The following NEURL4 variants were observed in gnomAD, a reference collection of about 807,000 sequenced individuals.
NEURL4 encodes neuralized E3 ubiquitin protein ligase 4.
In NEURL4, 45 loss-of-function variants were observed where a neutral mutation model predicts 148.0. The observed-to-expected ratio is 0.30, with a 90% confidence interval of 0.24 to 0.39. The LOEUF is 0.39. Ranked by LOEUF, NEURL4 falls within the 10% of genes least tolerant of loss-of-function variation. The probability of loss-of-function intolerance (pLI) is 1.00; values close to 1 mark genes in which losing one functional copy is unlikely to be tolerated. For missense variants in NEURL4, 1,776 were observed against 2,144.0 expected (o/e 0.83, Z 3.39); for synonymous variants, 854 against 869.0 (o/e 0.98, Z 0.30).
Position 7,318,692 on chromosome 17 carries a change from C to T in NEURL4, c.3685-18G>A. On this transcript the variant is annotated intron_variant, in intron 22 of 28. Transcript: ENST00000399464. The surrounding 1 kb of genome is among the most constrained non-coding windows in gnomAD (Gnocchi z 4.3). Reference sequence around the variant, plus strand: ...TCGCAGATCTGGGAGGAGAGACCGGCTGTCTTCCAGAGGTCAGACTCCACC... The same window carrying T: ...TCGCAGATCTGGGAGGAGAGACCGGTTGTCTTCCAGAGGTCAGACTCCACC... The T allele has an allele frequency of 6.3e-7, 1 of 1,592,604 alleles. No individual in the cohort carries two copies. The highest frequency in any genetic ancestry group is 1.1e-5 in the South Asian group (1 of 88,586).
chr17:7,328,548 C>A (rs889700820), intron 1 of NEURL4, among the ~76,000 whole-genome samples: 1 of 152,168 alleles, frequency 6.6e-6, no homozygotes, highest in South Asian at 2.1e-4. Flanking sequence ...GGATTACAGG[C>A]GCACGCCACC....
Position 7,316,161 on chromosome 17 carries a change from C to G in NEURL4, c.4651G>C (p.Ala1551Pro). ...ACCAGCAGGGCACAGAGGAGTGTGGCCCCCTTCTCCTTAGTGACCCACTCA... is the reference window on the plus strand; with the variant it reads ...ACCAGCAGGGCACAGAGGAGTGTGGGCCCCTTCTCCTTAGTGACCCACTCA... ...ELEWVTKEKG[A>P]TLLCALLVRV... The change falls in exon 29 of 29, where the codon GCC becomes CCC. Residue 1551 changes from alanine (A) to proline (P), a missense_variant. Coordinates refer to ENST00000399464, the MANE Select transcript of NEURL4 (RefSeq NM_032442.3). 1 of 1,588,412 alleles carries G rather than the reference C, an allele frequency of 6.3e-7. No individual in the cohort carries two copies. The highest frequency in any genetic ancestry group is 8.6e-7 in the Non-Finnish European group (1 of 1,156,590).
chr17:7,323,707 C>G lies in NEURL4; in HGVS notation c.2278G>C (p.Glu760Gln), dbSNP rs901152587. Reference protein sequence around the residue: ...VISNRALRDGELFEIVIQKMV... With the variant: ...VISNRALRDGQLFEIVIQKMV... The stretch of plus-strand genomic sequence containing the variant: ...TTCTGAATGACAATTTCAAACAGCT[C>G]TCCATCCCGCAGGGCCCTGCCAGGA... The change falls in exon 13 of 29, where the codon GAG (glutamate) becomes CAG (glutamine). Residue 760 changes from glutamate (E) to glutamine (Q), a missense_variant. Physicochemically the swap from Glu to Gln is conservative, Grantham distance 29. Transcript: ENST00000399464. 6.2e-7 allele frequency: 1 copy of G among 1,613,934 alleles called. No individual in the cohort carries two copies. Among genetic ancestry groups the G allele is most frequent in the Non-Finnish European group, 8.5e-7 (1 of 1,179,994 alleles).
chr17:7,320,888 G>T lies in NEURL4; in HGVS notation c.3396C>A (p.Leu1132=). Residue 1132 remains leucine (L), a synonymous_variant, in exon 21 of 29, where the codon CTC becomes CTA. Coordinates refer to ENST00000399464, the MANE Select transcript of NEURL4 (RefSeq NM_032442.3). The stretch of plus-strand genomic sequence containing the variant: ...TCTTCCCATGGTTCTCCAGGAACTC[G>T]AGGGTGGTGGGTATAATACCCACTT... The part of the protein sequence containing the change: ...QNEVGIIPTT[L]EFLENHGKNI... 1 of 1,614,078 alleles carries T rather than the reference G, an allele frequency of 6.2e-7. No individual in the cohort carries two copies. Among genetic ancestry groups the T allele is most frequent in the Non-Finnish European group, 8.5e-7 (1 of 1,180,012 alleles).
chr17:7,317,315 G>C lies in NEURL4; in HGVS notation c.4374C>G (p.Phe1458Leu). Residue 1458 changes from phenylalanine (F) to leucine (L), a missense_variant, in exon 28 of 29, where the codon TTC becomes TTG. Phe to Leu is a conservative substitution (Grantham distance 22). Coordinates refer to ENST00000399464, the MANE Select transcript of NEURL4 (RefSeq NM_032442.3). ...GTGCACAGTTCTCGCCAGGCTCCTC[G>C]AACCCTACCCCAGGTTCTCCCTTCA... Reference protein sequence around the residue: ...RPLKGEPGVGFEEPGENCAPP... With the variant: ...RPLKGEPGVGLEEPGENCAPP... The C allele has an allele frequency of 6.5e-7, 1 of 1,538,590 alleles. No homozygotes were observed. The highest frequency in any genetic ancestry group is 1.8e-4 in the Middle Eastern group (1 of 5,684).
rs1400641332 is a variant in NEURL4, at chr17:7,326,593, G to A, written c.1093-45C>T. 6.2e-7 allele frequency: 1 copy of A among 1,608,258 alleles called. No individual in the cohort carries two copies. The highest frequency in any genetic ancestry group is 1.3e-5 in the African/African-American group (1 of 74,902). On this transcript the variant is annotated intron_variant, in intron 4 of 28. Coordinates refer to ENST00000399464, the MANE Select transcript of NEURL4 (RefSeq NM_032442.3). This position sits in a 1 kb window ranked among gnomAD's most constrained non-coding sequence, Gnocchi z 6.0. ...GGGAGAAGCAGGGAATGTAAATGCA[G>A]AAAGGGACCTTCAGCCCTTGGTTCT...
In NEURL4 at chr17:7,327,014, A is replaced by G. The variant is rs760357581; in HGVS notation, c.794-5T>C. 2.5e-6 allele frequency: 4 copies of G among 1,609,422 alleles called. No homozygotes were observed. The highest frequency in any genetic ancestry group is 1.1e-5 in the South Asian group (1 of 91,072). ...ACAGCTCCATGTTGGCAAAGTCTAT[A>G]GCAGCAGGATGGAAGAAGGAAGCTC... On this transcript the variant is annotated splice_polypyrimidine_tract_variant and splice_region_variant and intron_variant, in intron 3 of 28. Transcript: ENST00000399464. The surrounding 1 kb of genome is among the most constrained non-coding windows in gnomAD (Gnocchi z 6.6).
chr17:7,325,077 GC>G (rs2143013106), intron 8 of NEURL4, 97 bp from the exon 9 acceptor site: 1 of 1,559,248 alleles, frequency 6.4e-7, no homozygotes, highest in African/African-American at 1.4e-5. Flanking sequence ...ACTGCCCCAA[GC>G]CAAAGAACTA....
chr17:7,324,052 T>C lies in NEURL4; in HGVS notation c.2063-40A>G. 6.2e-7 allele frequency: 1 copy of C among 1,608,652 alleles called. No homozygotes were observed. Among genetic ancestry groups the C allele is most frequent in the Admixed American group, 1.7e-5 (1 of 60,000 alleles). ...ATCACCCATCAGGTCTCTAGGTGTC[T>C]CTCAGACCTCCCAAGGCCACCCTAA... On this transcript the variant is annotated intron_variant, in intron 11 of 28. Transcript: ENST00000399464. The surrounding 1 kb of genome is among the most constrained non-coding windows in gnomAD (Gnocchi z 5.9).
In NEURL4 at chr17:7,326,544, C is replaced by T. The variant is rs781226135; in HGVS notation, c.1097G>A (p.Arg366His). The change falls in exon 5 of 29, where the codon CGT becomes CAT. Residue 366 changes from arginine (R) to histidine (H), a missense_variant. Physicochemically the swap from Arg to His is conservative, Grantham distance 29. Transcript: ENST00000399464. The surrounding 1 kb of genome is among the most constrained non-coding windows in gnomAD (Gnocchi z 6.0). ...PLRDNEMFEI[R>H]IDKLVDKWSG... Reference sequence around the variant, plus strand: ...CCACTTATCAACAAGCTTGTCGATACGGATCTGGCATTGAGGGACAGAAGG... The same window carrying T: ...CCACTTATCAACAAGCTTGTCGATATGGATCTGGCATTGAGGGACAGAAGG... 10 of 1,613,598 alleles carry T rather than the reference C, an allele frequency of 6.2e-6. No homozygotes were observed. Among genetic ancestry groups the T allele is most frequent in the African/African-American group, 1.3e-5 (1 of 74,888 alleles).
Position 7,320,921 on chromosome 17 carries a change from G to T in NEURL4, c.3363C>A (p.Gly1121=). The change falls in exon 21 of 29, where the codon GGC becomes GGA. Residue 1121 remains glycine (G), a splice_region_variant and synonymous_variant. Coordinates refer to ENST00000399464, the MANE Select transcript of NEURL4 (RefSeq NM_032442.3). ...TGGGTATAATACCCACTTCATTCTG[G>T]CCCTGGTGTGGAGGAAGGGACTGAG... ...DDEGEEHGLG[G]QNEVGIIPTT... 1.2e-6 allele frequency: 2 copies of T among 1,613,922 alleles called. No individual in the cohort carries two copies. The highest frequency in any genetic ancestry group is 1.7e-6 in the Non-Finnish European group (2 of 1,179,946).
In NEURL4 at chr17:7,319,217, G is replaced by C. The variant is rs770484430; in HGVS notation, c.3526-9C>G. ...AGGAAATCTATCCGCACCTGGGGAA[G>C]AAAGAACTACTCCATAATCACAGCC... On this transcript the variant is annotated splice_polypyrimidine_tract_variant and intron_variant, in intron 21 of 28. Coordinates refer to ENST00000399464, the MANE Select transcript of NEURL4 (RefSeq NM_032442.3). 2 of 1,607,530 alleles carry C rather than the reference G, an allele frequency of 1.2e-6. No homozygotes were observed. Among genetic ancestry groups the C allele is most frequent in the Non-Finnish European group, 1.7e-6 (2 of 1,175,934 alleles).
chr17:7,326,135 G>A lies in NEURL4; in HGVS notation c.1293+120C>T. ...CAGGCTTCTAGGAAGGAACCTTTAG[G>A]TGGAAGATACAGGGACTGCCTCTAG... On this transcript the variant is annotated intron_variant, in intron 6 of 28. Transcript: ENST00000399464. The surrounding 1 kb of genome is among the most constrained non-coding windows in gnomAD (Gnocchi z 6.0). 1 of 917,678 alleles carries A rather than the reference G, an allele frequency of 1.1e-6. No individual in the cohort carries two copies. Among genetic ancestry groups the A allele is most frequent in the East Asian group, 2.6e-5 (1 of 37,842 alleles). 56.8% of individuals were successfully genotyped at this position (917,678 alleles called of 1,614,324 possible).
intron 7 of NEURL4, 80 bp downstream of exon 7, chr17:7,325,561 A>C: frequency 1.3e-6 from 2 of 1,587,662 alleles, no homozygotes; most frequent in South Asian, 2.2e-5. Context: ...ACCAAAGAGA[A>C]GCAGGAGGAT....
In NEURL4 at chr17:7,321,688, C is replaced by A. The variant is rs766466627; in HGVS notation, c.2971G>T (p.Gly991Cys). ...GEMGPGAGGG[G>C]PGLPPSLPEL... Reference sequence around the variant, plus strand: ...GGCAGGGAAGGAGGCAGCCCTGGGCCACCACCGCCTGCCCCGGGTCCCATC... The same window carrying A: ...GGCAGGGAAGGAGGCAGCCCTGGGCAACCACCGCCTGCCCCGGGTCCCATC... Residue 991 changes from glycine to cysteine, a missense_variant, in exon 18 of 29, where the codon GGC (glycine) becomes TGC (cysteine). By Grantham distance (159) the Gly-to-Cys change is radical. Coordinates refer to ENST00000399464, the MANE Select transcript of NEURL4 (RefSeq NM_032442.3). This position sits in a 1 kb window ranked among gnomAD's most constrained non-coding sequence, Gnocchi z 6.3. The A allele has an allele frequency of 6.2e-7, 1 of 1,613,586 alleles. No individual in the cohort carries two copies. Among genetic ancestry groups the A allele is most frequent in the Non-Finnish European group, 8.5e-7 (1 of 1,180,032 alleles).
chr17:7,321,805 CAT>C lies in NEURL4; in HGVS notation c.2872-20_2872-19del. On this transcript the variant is annotated intron_variant, in intron 17 of 28. Coordinates refer to ENST00000399464, the MANE Select transcript of NEURL4 (RefSeq NM_032442.3). The surrounding 1 kb of genome is among the most constrained non-coding windows in gnomAD (Gnocchi z 6.3). Reference sequence around the variant, plus strand: ...ACTTTCACCTACGAGACAGAGAAAACATAAGCTGGCCCTGTCGTGATGGGCCT... The same window carrying C: ...ACTTTCACCTACGAGACAGAGAAAACAAGCTGGCCCTGTCGTGATGGGCCT... 1 of 1,612,588 alleles carries C rather than the reference CAT, an allele frequency of 6.2e-7. No homozygotes were observed. The highest frequency in any genetic ancestry group is 8.5e-7 in the Non-Finnish European group (1 of 1,179,086).
Position 7,324,068 on chromosome 17 carries a change from G to A in NEURL4, c.2062+40C>T, listed in dbSNP as rs376163291. 1.9e-6 allele frequency: 3 copies of A among 1,609,458 alleles called. No individual in the cohort carries two copies. The highest frequency in any genetic ancestry group is 2.2e-5 in the East Asian group (1 of 44,838). ...CTAGGTGTCTCTCAGACCTCCCAAG[G>A]CCACCCTAACCCCCAGCCCCAGCCC... On this transcript the variant is annotated intron_variant, in intron 11 of 28. Transcript: ENST00000399464. This position sits in a 1 kb window ranked among gnomAD's most constrained non-coding sequence, Gnocchi z 5.9.
chr17:7,327,503 G>A lies in NEURL4; in HGVS notation c.664C>T (p.Leu222Phe), dbSNP rs778811031. 3.1e-6 allele frequency: 5 copies of A among 1,593,824 alleles called. No individual in the cohort carries two copies. In the South Asian group the frequency reaches 5.7e-5, roughly 18 times the overall value. ...TCTTCAGTGGGGGCCAAGGGCTCGA[G>A]GGGAGGTGTGGGGATGGGAGTAGGG... ...SPPTPIPTPP[L>F]EPLAPTEDSA... is the part of the protein sequence containing the mutation. Residue 222 changes from leucine (L) to phenylalanine (F), a missense_variant, in exon 2 of 29, where the codon CTC (leucine) becomes TTC (phenylalanine). Transcript: ENST00000399464. The surrounding 1 kb of genome is among the most constrained non-coding windows in gnomAD (Gnocchi z 6.6).
rs1368894936 is a variant in NEURL4, at chr17:7,327,379, G to A, written c.727+61C>T. The A allele has an allele frequency of 1.1e-5, 16 of 1,468,298 alleles. No homozygotes were observed. In the Admixed American group the frequency reaches 2.5e-4, roughly 23 times the overall value. The allele number at this position is 1,468,298 out of a possible 1,614,324, so 91.0% of individuals were successfully genotyped here. On this transcript the variant is annotated intron_variant, in intron 2 of 28. Coordinates refer to ENST00000399464, the MANE Select transcript of NEURL4 (RefSeq NM_032442.3). The surrounding 1 kb of genome is among the most constrained non-coding windows in gnomAD (Gnocchi z 6.6). ...GCCCTGCCCACACCCAGCCTGTCTT[G>A]TCACTCTATTTCCCCCATTCCGTCC...
Sources: gnomAD v4.1 joint callset for allele counts (sites outside exome capture counted in the v4.1 genomes callset) on GRCh38, gnomAD v4.1.1 for gene constraint, Gnocchi (gnomAD v3.1) non-coding constraint, MANE v1.5 for transcripts, NCBI Gene and HGNC (gene_info 2026-07-23, HGNC 2026-07-21) for gene names.